The following MYCT1 variants were observed in gnomAD, a reference collection of about 807,000 sequenced individuals.
The protein encoded by MYCT1 is MYC target 1.
A neutral mutation model predicts 15.0 loss-of-function variants in MYCT1; 12 were observed. That is an observed-to-expected ratio of 0.80 (90% CI 0.51 to 1.29). The LOEUF (loss-of-function observed/expected upper bound fraction) is 1.29. MYCT1 is among the 50% of genes most tolerant of loss of function. The pLI, the probability that MYCT1 is intolerant of heterozygous loss-of-function variation, is 0.00. For synonymous variants in MYCT1, 104 were observed against 102.7 expected, an observed-to-expected ratio of 1.01 and a Z score of -0.07; for missense variants, 287 against 279.1, an observed-to-expected ratio of 1.03 and a Z score of -0.20.
downstream of MYCT1, among the ~76,000 whole-genome samples, chr6:152,727,370 T>A (rs1465783738): frequency 6.6e-6 from 1 of 152,150 alleles, no homozygotes; most frequent in Admixed American, 6.5e-5. Context: ...GCTGAGATGA[T>A]ATGGGGAGAC....
In MYCT1 at chr6:152,712,964, A is replaced by T. The variant is rs116282805; in HGVS notation, c.197-8778A>T. On this transcript the variant is annotated intron_variant, in intron 1 of 1. Coordinates refer to ENST00000367245, the MANE Select transcript of MYCT1 (RefSeq NM_025107.3). ...TAATTTGTTTCACTAATTTTGAAAA[A>T]TTTCAGCCTCATTTATTCAAAATGT... 3.5e-3 allele frequency among the ~76,000 whole-genome samples: 539 copies of T among 151,970 alleles called. 4 individuals are homozygous for T. The highest frequency in any genetic ancestry group is 0.012 in the African/African-American group (517 of 41,480).
chr6:152,736,200 A>T, the MYCT1 span, among the ~76,000 whole-genome samples: 1 of 152,188 alleles, frequency 6.6e-6, no homozygotes, highest in Non-Finnish European at 1.5e-5. Context: ...AAGACAAATT[A>T]TTCATTCCAG....
In MYCT1 at chr6:152,697,988, T is replaced by C. The variant is rs771251962; in HGVS notation, c.86T>C (p.Phe29Ser). The stretch of plus-strand genomic sequence containing the variant: ...AGAGATAGAATCAAACTGCTTTTTT[T>C]CGACATACTGGTTTTTCTTTCTGTT... ...LQRDRIKLLF[F>S]DILVFLSVFL... The change falls in exon 1 of 2, where the codon TTC becomes TCC. Residue 29 changes from phenylalanine (F) to serine (S), a missense_variant. Physicochemically the swap from Phe to Ser is radical, Grantham distance 155. Transcript: ENST00000367245. 5 of 1,609,664 alleles carry C rather than the reference T, an allele frequency of 3.1e-6. No individual in the cohort carries two copies. The highest frequency in any genetic ancestry group is 4.5e-5 in the East Asian group (2 of 44,552).
chr6:152,733,515 C>T, the MYCT1 span, among the ~76,000 whole-genome samples: 37 of 152,206 alleles, frequency 2.4e-4, no homozygotes, highest in Admixed American at 2.4e-3. Context: ...TTAACAAGTG[C>T]CTTGGAGGAA....
chr6:152,719,446 T>C (rs1224515937), intron 1 of MYCT1, among the ~76,000 whole-genome samples: 1 of 152,236 alleles, frequency 6.6e-6, no homozygotes, highest in Non-Finnish European at 1.5e-5. Flanking sequence ...TGTGGGACTA[T>C]GGGCTTGTTA....
intron 1 of MYCT1, among the ~76,000 whole-genome samples, chr6:152,708,750 C>T (rs974758577): frequency 6.6e-6 from 1 of 151,814 alleles, no homozygotes; most frequent in African/African-American, 2.4e-5. Flanking sequence ...CTTAAAGATC[C>T]CAGTTTTCAT....
the MYCT1 span, among the ~76,000 whole-genome samples, chr6:152,741,946 A>G: frequency 6.6e-6 from 1 of 152,238 alleles, no homozygotes; most frequent in Non-Finnish European, 1.5e-5. Flanking sequence ...AGTATTGAAC[A>G]TTGGACCCAA....
At chr6:152,720,301 G>T (rs908489610) in intron 1 of MYCT1, among the ~76,000 whole-genome samples, 3 of 151,990 alleles carry the variant, frequency 2.0e-5, no homozygotes, top group African/African-American at 4.8e-5. Flanking sequence ...GCTTGAACTT[G>T]TATAGCTTCA....
chr6:152,725,276 G>T (rs1410004301), downstream of MYCT1, among the ~76,000 whole-genome samples: 1 of 152,054 alleles, frequency 6.6e-6, no homozygotes, highest in Non-Finnish European at 1.5e-5. Context: ...AATACATATG[G>T]AAAATACTCA....
intron 1 of MYCT1, among the ~76,000 whole-genome samples, chr6:152,704,616 T>C (rs2099721939): frequency 6.6e-6 from 1 of 152,140 alleles, no homozygotes; most frequent in South Asian, 2.1e-4. Flanking sequence ...ATTCAAAATA[T>C]CTTCTAGATA....
At chr6:152,741,147 A>G in the MYCT1 span, among the ~76,000 whole-genome samples, 4 of 152,220 alleles carry the variant, frequency 2.6e-5, no homozygotes, top group Non-Finnish European at 5.9e-5. Flanking sequence ...GTCTAGGTAA[A>G]GTGACTAACA....
chr6:152,746,521 G>A, the MYCT1 span, among the ~76,000 whole-genome samples: 12 of 152,214 alleles, frequency 7.9e-5, no homozygotes, highest in African/African-American at 2.9e-4. Context: ...TCAGACTGCT[G>A]TTGACCACAG....
intron 1 of MYCT1, among the ~76,000 whole-genome samples, chr6:152,712,961 A>G (rs1221371368): frequency 6.6e-6 from 1 of 152,050 alleles, no homozygotes; most frequent in African/African-American, 2.4e-5. Flanking sequence ...CTAATTTTGA[A>G]AAATTTCAGC....
At chr6:152,728,855 G>A (rs573208436), downstream of MYCT1, among the ~76,000 whole-genome samples, 1 of 152,314 alleles carries the variant, frequency 6.6e-6, no homozygotes, top group African/African-American at 2.4e-5. Context: ...TCAGTGAGCT[G>A]TGATCGTGCC....
intron 1 of MYCT1, among the ~76,000 whole-genome samples, chr6:152,720,880 A>G (rs1398753432): frequency 6.6e-6 from 1 of 152,160 alleles, no homozygotes; most frequent in Non-Finnish European, 1.5e-5. Context: ...TCAGTTACCT[A>G]GTTTCATTCA....
Position 152,721,927 on chromosome 6 carries a change from C to T in MYCT1, c.382C>T (p.His128Tyr). The change falls in exon 2 of 2, where the codon CAC becomes TAC. Residue 128 changes from histidine to tyrosine, a missense_variant. Transcript: ENST00000367245. ...CCTCAACAGAACTGGATTTTACCGC[C>T]ACAGTGGCTGTGAACGTCGAAGCAA... Reference protein sequence around the residue: ...HGLNRTGFYRHSGCERRSNLS... With the variant: ...HGLNRTGFYRYSGCERRSNLS... 6.2e-7 allele frequency: 1 copy of T among 1,614,174 alleles called. No homozygotes were observed. The highest frequency in any genetic ancestry group is 1.1e-5 in the South Asian group (1 of 91,084).
downstream of MYCT1, among the ~76,000 whole-genome samples, chr6:152,724,816 A>G (rs900395289): frequency 2.0e-5 from 3 of 151,994 alleles, no homozygotes; most frequent in South Asian, 2.1e-4. Context: ...AAAAATGTAT[A>G]ATGGAGAAAG....
chr6:152,738,196 G>T, the MYCT1 span, among the ~76,000 whole-genome samples: 4 of 152,028 alleles, frequency 2.6e-5, no homozygotes, highest in Non-Finnish European at 5.9e-5. Flanking sequence ...AGGAAAAACA[G>T]CATTAACAAC....
intron 1 of MYCT1, among the ~76,000 whole-genome samples, chr6:152,719,817 C>T (rs957890291): frequency 1.3e-5 from 2 of 152,038 alleles, no homozygotes; most frequent in African/African-American, 4.8e-5. Flanking sequence ...TAAAAAGAAC[C>T]TTGGCAATCA....
Sources: gnomAD v4.1 joint callset for allele counts (sites outside exome capture counted in the v4.1 genomes callset) on GRCh38, gnomAD v4.1.1 for gene constraint, MANE v1.5 for transcripts, NCBI Gene and HGNC (gene_info 2026-07-23, HGNC 2026-07-21) for gene names.